Variants in AP3S2 observed in about 807,000 individuals in gnomAD.
AP3S2 encodes the protein AP-3 complex subunit sigma-2.
AP3S2 carries 22 observed loss-of-function variants against 23.4 expected under a neutral mutation model. The ratio of observed to expected loss-of-function variants is 0.94; its 90% CI spans 0.67 to 1.34. The LOEUF (loss-of-function observed/expected upper bound fraction) is 1.34. Ranked by LOEUF, AP3S2 falls within the 40% of genes most tolerant of loss-of-function variation. The pLI is 0.00. For missense variants in AP3S2, 241 were observed against 236.9 expected (o/e 1.02, Z -0.11); for synonymous variants, 86 against 87.1 (o/e 0.99, Z 0.07).
intron 1 of AP3S2, among the ~76,000 whole-genome samples, chr15:89,892,304 T>G (rs943595017): frequency 2.6e-5 from 4 of 152,086 alleles, no homozygotes; most frequent in African/African-American, 9.7e-5. Context: ...ATGAAAATGA[T>G]CTAAAATTGA....
chr15:89,851,263 G>A (rs1280306924), intron 4 of AP3S2, among the ~76,000 whole-genome samples: 1 of 152,090 alleles, frequency 6.6e-6, no homozygotes. Flanking sequence ...GGCAATTGGA[G>A]GAAAAGGCAT....
At chr15:89,855,048 G>A (rs1245695389) in intron 4 of AP3S2, among the ~76,000 whole-genome samples, 12 of 138,982 alleles carry the variant, frequency 8.6e-5, no homozygotes, top group Non-Finnish European at 1.2e-4. Flanking sequence ...CATTGAGAAC[G>A]GGCCAGGATG....
Position 89,858,493 on chromosome 15 carries a change from AAGAGAGAG to A in AP3S2, c.345+12974_345+12981del, listed in dbSNP as rs143172663. 4.6e-3 allele frequency among the ~76,000 whole-genome samples: 278 copies of A among 60,266 alleles called. 2 individuals are homozygous for A. Among genetic ancestry groups the A allele is most frequent in the Middle Eastern group, 8.3e-3 (1 of 120 alleles). 39.5% of individuals were successfully genotyped at this position (60,266 alleles called of 152,430 possible). The stretch of plus-strand genomic sequence containing the variant: ...AAAGAAAGAAAGAAAGAAAGAAAGA[AAGAGAGAG>A]AGAGAGAGAGAGAGAGAGAGAGAGA... On this transcript the variant is annotated intron_variant, in intron 4 of 5. Transcript: ENST00000336418.
chr15:89,869,758 G>GTT (rs1251254843), intron 4 of AP3S2, among the ~76,000 whole-genome samples: 7 of 142,966 alleles, frequency 4.9e-5, no homozygotes, highest in Non-Finnish European at 6.2e-5. Flanking sequence ...CAATTTGGTT[G>GTT]TTTTTTTTTT....
At chr15:89,877,620 AGGTGGATC>A (rs1482012500) in intron 3 of AP3S2, among the ~76,000 whole-genome samples, 1 of 152,116 alleles carries the variant, frequency 6.6e-6, no homozygotes, top group Non-Finnish European at 1.5e-5. Flanking sequence ...AGGGCGAGGC[AGGTGGATC>A]ACTTGAGGCC....
intron 4 of AP3S2, among the ~76,000 whole-genome samples, chr15:89,845,093 G>A (rs1895454506): frequency 1.3e-5 from 2 of 151,968 alleles, no homozygotes; most frequent in Admixed American, 6.6e-5. Context: ...TTTTAGTAGA[G>A]ACGAGGTTTT....
chr15:89,881,138 G>T (rs1896560625), intron 3 of AP3S2, among the ~76,000 whole-genome samples: 1 of 152,120 alleles, frequency 6.6e-6, no homozygotes, highest in Non-Finnish European at 1.5e-5. Context: ...AAGTATAAAG[G>T]CCCAGACACA....
At chr15:89,888,146 A>C (rs1336422709) in intron 3 of AP3S2, among the ~76,000 whole-genome samples, 3 of 152,246 alleles carry the variant, frequency 2.0e-5, no homozygotes, top group Non-Finnish European at 2.9e-5. Context: ...TACTTAAAAG[A>C]AGCTCATCTA....
intron 4 of AP3S2, among the ~76,000 whole-genome samples, chr15:89,848,240 C>T: frequency 6.6e-6 from 1 of 152,212 alleles, no homozygotes; most frequent in East Asian, 1.9e-4. Flanking sequence ...TATAAAAGAG[C>T]ATGGTCACAG....
intron 4 of AP3S2, among the ~76,000 whole-genome samples, chr15:89,869,051 C>G (rs1896246513): frequency 1.3e-5 from 2 of 151,192 alleles, no homozygotes; most frequent in African/African-American, 2.4e-5. Flanking sequence ...TGCCCGGCCA[C>G]CACCCCGTCT....
At chr15:89,842,910 A>C (rs1895365556) in intron 4 of AP3S2, among the ~76,000 whole-genome samples, 1 of 150,952 alleles carries the variant, frequency 6.6e-6, no homozygotes, top group Admixed American at 6.6e-5. Context: ...TGTGCCCAGA[A>C]GACTCAAGGA....
At chr15:89,836,745 C>A (rs767566719) in intron 5 of AP3S2, among the ~76,000 whole-genome samples, 1 of 152,196 alleles carries the variant, frequency 6.6e-6, no homozygotes, top group Non-Finnish European at 1.5e-5. Context: ...AACCCCCTTG[C>A]CTCTGACTCA....
chr15:89,856,266 T>C (rs1567177834), intron 4 of AP3S2, among the ~76,000 whole-genome samples: 1 of 152,116 alleles, frequency 6.6e-6, no homozygotes, highest in Non-Finnish European at 1.5e-5. Flanking sequence ...AATTTGGTTT[T>C]AAAAAATGGG....
At chr15:89,875,121 G>T (rs923395197) in intron 3 of AP3S2, among the ~76,000 whole-genome samples, 4 of 152,218 alleles carry the variant, frequency 2.6e-5, no homozygotes, top group Non-Finnish European at 5.9e-5. Flanking sequence ...GCAAAGCTTT[G>T]AGGTGGCTGG....
Position 89,835,177 on chromosome 15 carries a change from G to T in AP3S2, c.*338C>A. On this transcript the variant is annotated 3_prime_UTR_variant, in exon 6 of 6. Transcript: ENST00000336418. ...TGGGAAGCAGGTGGGCCTGCTCAAT[G>T]CAGTCCCTAACCCTTGGGAGCATCC... 1 of 379,200 alleles carries T rather than the reference G, an allele frequency of 2.6e-6. No individual in the cohort carries two copies. The highest frequency in any genetic ancestry group is 4.2e-5 in the Admixed American group (1 of 23,600). The allele number at this position is 379,200 out of a possible 1,614,324, so 23.5% of individuals were successfully genotyped here.
At chr15:89,866,092 T>C (rs1896110863) in intron 4 of AP3S2, among the ~76,000 whole-genome samples, 1 of 151,650 alleles carries the variant, frequency 6.6e-6, no homozygotes, top group South Asian at 2.1e-4. Flanking sequence ...TGAAACCCTG[T>C]CTCTACTAAA....
chr15:89,875,868 C>T (rs1047607100), intron 3 of AP3S2, among the ~76,000 whole-genome samples: 8 of 151,792 alleles, frequency 5.3e-5, no homozygotes, highest in African/African-American at 1.5e-4. Context: ...AAGCTTGAGC[C>T]GGGGAGACAG....
In AP3S2 at chr15:89,839,937, A is replaced by G. The variant is rs145010826; in HGVS notation, c.346-2215T>C. Among the ~76,000 whole-genome samples, 106 of 152,250 alleles carry G rather than the reference A, an allele frequency of 7.0e-4. No individual in the cohort carries two copies. The South Asian group carries it at 0.012, about 18-fold the overall frequency. On this transcript the variant is annotated intron_variant, in intron 4 of 5. Coordinates refer to ENST00000336418, the MANE Select transcript of AP3S2 (RefSeq NM_005829.5). ...AACACGGATGAACCTTGAAGATACT[A>G]TAAGTGAAACAACCCACACACAAAA... is the stretch of plus-strand genomic sequence containing the variant.
chr15:89,877,335 T>C (rs896039181), intron 3 of AP3S2: 2 of 1,308,208 alleles, frequency 1.5e-6, no homozygotes, highest in African/African-American at 3.0e-5. Flanking sequence ...ATAGCCTTCT[T>C]GTTCTGATGT....
Sources: gnomAD v4.1 joint callset for allele counts (sites outside exome capture counted in the v4.1 genomes callset) on GRCh38, gnomAD v4.1.1 for gene constraint, MANE v1.5 for transcripts, NCBI Gene and HGNC (gene_info 2026-07-23, HGNC 2026-07-21) for gene names.